Variants in AMD1 observed in about 807,000 individuals in gnomAD.
AMD1 encodes S-adenosylmethionine decarboxylase proenzyme.
A neutral mutation model predicts 40.2 loss-of-function variants in AMD1; 11 were observed. The ratio of observed to expected loss-of-function variants is 0.27; its 90% confidence interval spans 0.17 to 0.45. The LOEUF (loss-of-function observed/expected upper bound fraction) is 0.45. Among genes scored for constraint, AMD1 ranks in the 20% least tolerant of loss-of-function variants. The pLI, the probability that AMD1 is intolerant of heterozygous loss-of-function variation, is 1.00. For missense variants in AMD1, 257 were observed against 410.2 expected (o/e 0.63, Z 3.23); for synonymous variants, 121 against 130.8 (o/e 0.93, Z 0.51).
intron 1 of AMD1, 24 bp from the exon 2 acceptor site, chr6:110,887,481 C>G: frequency 2.6e-6 from 4 of 1,559,866 alleles, no homozygotes; most frequent in Non-Finnish European, 3.5e-6. Flanking sequence ...GTGGATTAAT[C>G]GTAACTTTTT....
At chr6:110,893,398 G>A in intron 8 of AMD1, 78 bp from the exon 9 acceptor site, 1 of 1,559,338 alleles carries the variant, frequency 6.4e-7, no homozygotes, top group Non-Finnish European at 8.7e-7. Flanking sequence ...TAAGATAAAA[G>A]TCTGTCACTT....
At chr6:110,872,697 G>T (rs139575826), upstream of AMD1, among the ~76,000 whole-genome samples, 969 of 152,250 alleles carry the variant, frequency 6.4e-3, 5 homozygotes, top group African/African-American at 0.022. Flanking sequence ...CAAGAAAAAT[G>T]ATATATTTTA....
chr6:110,892,653 T>C, intron 6 of AMD1, 82 bp from the exon 7 acceptor site: 2 of 1,526,174 alleles, frequency 1.3e-6, no homozygotes, highest in South Asian at 2.3e-5. Context: ...CTCTCCCTTC[T>C]CCCACCCTGG....
At chr6:110,848,474 A>G in the AMD1 span, 1 of 188,222 alleles carries the variant, frequency 5.3e-6, no homozygotes, top group African/African-American at 2.4e-5. Flanking sequence ...GTGAGCTATG[A>G]TGCCACTGCA....
chr6:110,857,809 T>C, the AMD1 span, among the ~76,000 whole-genome samples: 1 of 148,714 alleles, frequency 6.7e-6, no homozygotes, highest in Admixed American at 6.8e-5. Flanking sequence ...ATATAGATGG[T>C]ATATATATAC....
chr6:110,815,120 T>C, the AMD1 span: 1 of 1,601,018 alleles, frequency 6.2e-7, no homozygotes, highest in Non-Finnish European at 8.5e-7. Flanking sequence ...CAGCTTCGCC[T>C]TGAAATCATA....
chr6:110,881,931 TCTTG>T (rs1785430342), intron 1 of AMD1, among the ~76,000 whole-genome samples: 1 of 152,188 alleles, frequency 6.6e-6, no homozygotes, highest in African/African-American at 2.4e-5. Flanking sequence ...CATCTTGCTA[TCTTG>T]CTTCTCTTGA....
the AMD1 span, chr6:110,815,011 A>G: frequency 1.2e-6 from 2 of 1,603,556 alleles, no homozygotes; most frequent in Non-Finnish European, 1.7e-6. Context: ...GCTCTTACCC[A>G]TCTTTCCGCC....
the AMD1 span, among the ~76,000 whole-genome samples, chr6:110,852,411 A>G: frequency 6.6e-6 from 1 of 151,666 alleles, no homozygotes; most frequent in Non-Finnish European, 1.5e-5. Flanking sequence ...TAGTAGATAC[A>G]GGGTTTCACC....
the AMD1 span, among the ~76,000 whole-genome samples, chr6:110,833,335 G>T: frequency 3.9e-5 from 6 of 152,090 alleles, no homozygotes; most frequent in African/African-American, 1.4e-4. Context: ...ATAGAATTGG[G>T]ATATAGCACT....
chr6:110,895,450 TTTTTG>T lies in AMD1; in HGVS notation c.*1858_*1862del, dbSNP rs147095707. Reference sequence around the variant, plus strand: ...TGACTTGAGGTCTGGTTTGGTTTTGTTTTTGTTTTGTTTTGTTTTGTTTTGTTTCC... The same window carrying T: ...TGACTTGAGGTCTGGTTTGGTTTTGTTTTTGTTTTGTTTTGTTTTGTTTCC... On this transcript the variant is annotated 3_prime_UTR_variant, in exon 9 of 9. Coordinates refer to ENST00000368885, the MANE Select transcript of AMD1 (RefSeq NM_001634.6). 0.31 allele frequency: 47,345 copies of T among 151,728 alleles called. 8,323 individuals carry two copies. The highest frequency in any genetic ancestry group is 0.66 in the East Asian group (3,358 of 5,098). The allele number at this position is 151,728 out of a possible 1,614,324, so 9.4% of individuals were successfully genotyped here.
At position 110,875,059 on chromosome 6, in the gene AMD1, T is replaced by G; in HGVS notation, c.-47T>G. 3 of 1,459,072 alleles carry G rather than the reference T, an allele frequency of 2.1e-6. No homozygotes were observed. The highest frequency in any genetic ancestry group is 2.8e-6 in the Non-Finnish European group (3 of 1,056,526). The allele number at this position is 1,459,072 out of a possible 1,614,324, so 90.4% of individuals were successfully genotyped here. A position where few individuals can be genotyped will look rare whatever the true frequency, so the allele number is the denominator to read the frequency against. On this transcript the variant is annotated 5_prime_UTR_variant, in exon 1 of 9. Transcript: ENST00000368885. The stretch of plus-strand genomic sequence containing the variant: ...GGCAGCGGCGGGAGAAGAGGTTTAA[T>G]TTAGTTGATTTTCTGTGGTTGTTGG...
chr6:110,845,043 T>C, the AMD1 span, among the ~76,000 whole-genome samples: 2 of 147,508 alleles, frequency 1.4e-5, no homozygotes, highest in Non-Finnish European at 3.0e-5. Context: ...CAGACCTTTT[T>C]TTTTTTTTTT....
At chr6:110,835,635 G>T in the AMD1 span, among the ~76,000 whole-genome samples, 25 of 152,184 alleles carry the variant, frequency 1.6e-4, no homozygotes, top group African/African-American at 6.0e-4. Flanking sequence ...GGAGGCCAAG[G>T]CGGGCAGATC....
the AMD1 span, among the ~76,000 whole-genome samples, chr6:110,828,886 T>TG: frequency 6.6e-6 from 1 of 152,148 alleles, no homozygotes; most frequent in African/African-American, 2.4e-5. Context: ...TAAAGCCCTA[T>TG]GCTGGCTGGG....
At chr6:110,817,089 C>G in the AMD1 span, among the ~76,000 whole-genome samples, 1 of 152,104 alleles carries the variant, frequency 6.6e-6, no homozygotes, top group Non-Finnish European at 1.5e-5. Flanking sequence ...GCCTAATGTC[C>G]CAAATGTTTG....
chr6:110,864,958 A>G, the AMD1 span, among the ~76,000 whole-genome samples: 8 of 152,258 alleles, frequency 5.3e-5, no homozygotes, highest in Non-Finnish European at 1.2e-4. Flanking sequence ...CCCCAGGGAA[A>G]CACTTCACAT....
chr6:110,871,125 T>C (rs979465635), upstream of AMD1, among the ~76,000 whole-genome samples: 2 of 152,312 alleles, frequency 1.3e-5, no homozygotes, highest in African/African-American at 4.8e-5. Flanking sequence ...GGAGGATAAT[T>C]AATTCAGGAC....
At chr6:110,893,449 T>C in intron 8 of AMD1, 27 bp from the exon 9 acceptor site, 1 of 1,612,722 alleles carries the variant, frequency 6.2e-7, no homozygotes, top group Non-Finnish European at 8.5e-7. Context: ...TTGCAAACAC[T>C]AACGGTTATT....
Sources: allele counts gnomAD v4.1 joint callset (sites outside exome capture counted in the v4.1 genomes callset), GRCh38; gene constraint gnomAD v4.1.1; transcripts MANE v1.5; gene names NCBI Gene and HGNC (gene_info 2026-07-23, HGNC 2026-07-21).